Variants in ERC2 observed in about 807,000 individuals in gnomAD.
ERC2 encodes the protein ELKS/RAB6-interacting/CAST family member 2, also known as ERC protein 2.
ERC2 carries 42 observed loss-of-function variants against 114.8 expected under a neutral mutation model. That is an observed-to-expected ratio of 0.37 (90% CI 0.29 to 0.47). The LOEUF (loss-of-function observed/expected upper bound fraction) is 0.47. Ranked by LOEUF, ERC2 falls within the 20% of genes least tolerant of loss-of-function variation. The pLI is 0.99. For missense variants in ERC2, 939 were observed against 1,150.7 expected (o/e 0.82, Z 2.66); for synonymous variants, 454 against 425.5 (o/e 1.07, Z -0.82).
intron 4 of ERC2, among the ~76,000 whole-genome samples, chr3:56,157,810 T>C (rs945001647): frequency 6.6e-6 from 1 of 151,280 alleles, no homozygotes; most frequent in African/African-American, 2.4e-5. Context: ...CAATGTGGCC[T>C]GATGGATGTG....
chr3:55,937,561 C>T (rs1415141259), intron 13 of ERC2, among the ~76,000 whole-genome samples: 4 of 152,074 alleles, frequency 2.6e-5, no homozygotes, highest in African/African-American at 7.2e-5. Context: ...GAAGGCTGCA[C>T]CAGATGATGG....
chr3:56,312,063 G>A (rs1434068563), intron 2 of ERC2, among the ~76,000 whole-genome samples: 2 of 152,158 alleles, frequency 1.3e-5, no homozygotes, highest in Admixed American at 1.3e-4. Context: ...GTATCCAGGA[G>A]GATGTGTATA....
chr3:55,861,592 ATT>A (rs572953798), intron 14 of ERC2, among the ~76,000 whole-genome samples: 1 of 151,318 alleles, frequency 6.6e-6, no homozygotes, highest in African/African-American at 2.4e-5. Context: ...TTTTTTTTTC[ATT>A]TCTCTCTCTC....
chr3:55,710,022 G>A (rs577801837), intron 15 of ERC2, among the ~76,000 whole-genome samples: 34 of 152,272 alleles, frequency 2.2e-4, no homozygotes, highest in Admixed American at 9.8e-4. Flanking sequence ...AATGGCAGGC[G>A]ATTGTTCCAA....
At chr3:55,786,626 T>C (rs139965837) in intron 14 of ERC2, among the ~76,000 whole-genome samples, 132 of 152,312 alleles carry the variant, frequency 8.7e-4, no homozygotes, top group Admixed American at 2.4e-3. Context: ...ATTATCCCCA[T>C]TTAACAGATG....
At chr3:56,215,187 C>T (rs1378250824) in intron 3 of ERC2, among the ~76,000 whole-genome samples, 2 of 152,128 alleles carry the variant, frequency 1.3e-5, no homozygotes, top group African/African-American at 4.8e-5. Context: ...AATTAAAAGA[C>T]ACAGACTGGC....
chr3:55,643,230 A>AT (rs566967985), intron 17 of ERC2, among the ~76,000 whole-genome samples: 3 of 152,092 alleles, frequency 2.0e-5, no homozygotes, highest in Non-Finnish European at 4.4e-5. Flanking sequence ...GCAACTTAAA[A>AT]TTTTTTTTAA....
At chr3:56,090,076 T>C (rs2077704041) in intron 6 of ERC2, among the ~76,000 whole-genome samples, 1 of 152,230 alleles carries the variant, frequency 6.6e-6, no homozygotes, top group African/African-American at 2.4e-5. Context: ...GTAATTCAGC[T>C]AGCATGAATC....
intron 2 of ERC2, among the ~76,000 whole-genome samples, chr3:56,324,979 G>A (rs1260604289): frequency 2.6e-5 from 4 of 151,612 alleles, no homozygotes; most frequent in Admixed American, 2.0e-4. Flanking sequence ...CTTCTCCAGG[G>A]CAGTCTTCCT....
chr3:56,010,077 A>G (rs769271936), intron 9 of ERC2, among the ~76,000 whole-genome samples: 9 of 152,174 alleles, frequency 5.9e-5, no homozygotes, highest in Non-Finnish European at 1.0e-4. Flanking sequence ...TACATAGCAG[A>G]CACCCAATAA....
At chr3:55,665,381 C>A (rs1204905554) in intron 17 of ERC2, among the ~76,000 whole-genome samples, 1 of 152,132 alleles carries the variant, frequency 6.6e-6, no homozygotes, top group Non-Finnish European at 1.5e-5. Flanking sequence ...TGTTGAAATC[C>A]TAATCCCTAG....
At chr3:55,753,558 C>T (rs1368257652) in intron 14 of ERC2, among the ~76,000 whole-genome samples, 1 of 152,194 alleles carries the variant, frequency 6.6e-6, no homozygotes, top group Non-Finnish European at 1.5e-5. Flanking sequence ...GAAACACTAG[C>T]TGGTATGGAC....
chr3:56,405,686 GATTAA>G (rs1016140497), intron 2 of ERC2, among the ~76,000 whole-genome samples: 3 of 151,994 alleles, frequency 2.0e-5, no homozygotes, highest in African/African-American at 7.2e-5. Context: ...TGAAGAAATA[GATTAA>G]ATGTGTTTTA....
At chr3:56,327,286 G>A (rs572211517) in intron 2 of ERC2, among the ~76,000 whole-genome samples, 3 of 152,208 alleles carry the variant, frequency 2.0e-5, no homozygotes, top group Non-Finnish European at 4.4e-5. Context: ...AAGGCAGCAG[G>A]AAGGAGAATT....
chr3:55,597,889 T>A (rs1202465244), intron 17 of ERC2, among the ~76,000 whole-genome samples: 1 of 152,182 alleles, frequency 6.6e-6, no homozygotes, highest in Non-Finnish European at 1.5e-5. Context: ...AGTTAGTGAG[T>A]TTGTCATCAT....
In ERC2 at chr3:55,510,462, T is replaced by G. The variant is rs2052002738; in HGVS notation, c.*854A>C. ...GTGCAGAACACAGGGACTAGAGATA[T>G]GCAGGTGCCTCAGACTTTTGCCACT... is the stretch of plus-strand genomic sequence containing the variant. On this transcript the variant is annotated 3_prime_UTR_variant, in exon 18 of 18. Transcript: ENST00000288221. 2 of 152,522 alleles carry G rather than the reference T, an allele frequency of 1.3e-5. No homozygotes were observed. Among genetic ancestry groups the G allele is most frequent in the Non-Finnish European group, 2.9e-5 (2 of 68,026 alleles). The allele number at this position is 152,522 out of a possible 1,614,324, so 9.4% of individuals were successfully genotyped here.
intron 17 of ERC2, among the ~76,000 whole-genome samples, chr3:55,650,609 G>A (rs756877614): frequency 6.6e-6 from 1 of 152,184 alleles, no homozygotes; most frequent in Non-Finnish European, 1.5e-5. Context: ...TGAGGGCAGA[G>A]TATTGTTTAT....
intron 14 of ERC2, among the ~76,000 whole-genome samples, chr3:55,863,276 G>C (rs192532063): frequency 1.3e-4 from 20 of 152,216 alleles, no homozygotes; most frequent in African/African-American, 4.6e-4. Flanking sequence ...CTGGATAAGT[G>C]AGGCACTTAT....
chr3:56,032,885 A>AAGAAAGAAAGAAAGAG (rs1553781723), intron 7 of ERC2, among the ~76,000 whole-genome samples: 1 of 79,268 alleles, frequency 1.3e-5, no homozygotes, highest in South Asian at 4.3e-4. Context: ...GAAAGAAAGA[A>AAGAAAGAAAGAAAGAG]AGAGAGAGAG....
Sources: gnomAD v4.1 joint callset for allele counts (sites outside exome capture counted in the v4.1 genomes callset) on GRCh38, gnomAD v4.1.1 for gene constraint, MANE v1.5 for transcripts, NCBI Gene and HGNC (gene_info 2026-07-23, HGNC 2026-07-21) for gene names.